Variants in LPXN observed in about 807,000 individuals in gnomAD.
LPXN encodes leupaxin.
In LPXN, 28 loss-of-function variants were observed where a neutral mutation model predicts 45.6. That is an observed-to-expected ratio of 0.61 (90% CI 0.45 to 0.84). The LOEUF (loss-of-function observed/expected upper bound fraction) is 0.84. Ranked by LOEUF, LPXN falls within the 40% of genes least tolerant of loss-of-function variation. The pLI is 0.00. For synonymous variants in LPXN, 166 were observed against 169.9 expected (o/e 0.98, Z 0.18); for missense variants, 459 against 475.0 (o/e 0.97, Z 0.31).
At chr11:58,565,644 T>C (rs1389900068) in intron 2 of LPXN, among the ~76,000 whole-genome samples, 1 of 151,996 alleles carries the variant, frequency 6.6e-6, no homozygotes, top group Non-Finnish European at 1.5e-5. Context: ...TCCTGAAATA[T>C]CTTAAAGTGA....
chr11:58,528,255 G>C, intron 7 of LPXN, 64 bp from the exon 8 acceptor site: 1 of 1,486,308 alleles, frequency 6.7e-7, no homozygotes, highest in Non-Finnish European at 9.2e-7. Context: ...ACTGGAGACT[G>C]AGAGGAGGCC....
intron 3 of LPXN, among the ~76,000 whole-genome samples, chr11:58,560,581 T>C (rs1465743992): frequency 1.3e-5 from 2 of 152,182 alleles, no homozygotes; most frequent in East Asian, 3.8e-4. Context: ...GCAACCATAA[T>C]AGGTAGCATT....
At chr11:58,563,056 G>C (rs1021355533) in intron 3 of LPXN, among the ~76,000 whole-genome samples, 4 of 152,180 alleles carry the variant, frequency 2.6e-5, no homozygotes, top group African/African-American at 9.7e-5. Context: ...TAATCACAGT[G>C]CCAGATATAC....
chr11:58,566,374 G>A (rs1030245872), intron 2 of LPXN, among the ~76,000 whole-genome samples: 12 of 151,992 alleles, frequency 7.9e-5, no homozygotes, highest in Admixed American at 1.3e-4. Context: ...GGCCAATATC[G>A]TCATAGGTGC....
intron 2 of LPXN, among the ~76,000 whole-genome samples, chr11:58,569,476 C>A (rs1228375173): frequency 2.0e-5 from 3 of 151,828 alleles, no homozygotes; most frequent in African/African-American, 7.3e-5. Flanking sequence ...GCAGCCTCGA[C>A]CACCTGGGCT....
At chr11:58,561,952 A>T (rs746727045) in intron 3 of LPXN, among the ~76,000 whole-genome samples, 4 of 152,166 alleles carry the variant, frequency 2.6e-5, no homozygotes, top group Non-Finnish European at 5.9e-5. Flanking sequence ...TTGTTCCCTG[A>T]CCTTTTGAAG....
chr11:58,566,448 G>A (rs1854531397), intron 2 of LPXN, among the ~76,000 whole-genome samples: 1 of 152,144 alleles, frequency 6.6e-6, no homozygotes, highest in African/African-American at 2.4e-5. Context: ...AAACTTTCAA[G>A]TTGTCTATAT....
At chr11:58,547,480 A>G (rs1465826680) in intron 7 of LPXN, among the ~76,000 whole-genome samples, 1 of 152,214 alleles carries the variant, frequency 6.6e-6, no homozygotes, top group Non-Finnish European at 1.5e-5. Flanking sequence ...CATAAAGCCA[A>G]TTTAACAACA....
chr11:58,541,375 C>G (rs530597764), intron 7 of LPXN, among the ~76,000 whole-genome samples: 1 of 152,168 alleles, frequency 6.6e-6, no homozygotes, highest in Admixed American at 6.5e-5. Context: ...AAAAAGTGGG[C>G]AAAGGATATG....
intron 2 of LPXN, among the ~76,000 whole-genome samples, chr11:58,566,973 G>A (rs1054473097): frequency 2.0e-5 from 3 of 151,980 alleles, no homozygotes; most frequent in Non-Finnish European, 4.4e-5. Flanking sequence ...TGTCAGAAAA[G>A]TTTTGTAGAT....
chr11:58,528,387 T>C (rs894205575), intron 7 of LPXN, among the ~76,000 whole-genome samples, 196 bp from the exon 8 acceptor site: 4 of 152,242 alleles, frequency 2.6e-5, no homozygotes, highest in Admixed American at 6.5e-5. Flanking sequence ...GTCTGGTTCA[T>C]AGTAAACATT....
At position 58,531,648 on chromosome 11, in the gene LPXN, A is replaced by G. The variant is rs1853390583; in HGVS notation, c.743-3457T>C. 1.3e-5 allele frequency among the ~76,000 whole-genome samples: 2 copies of G among 152,252 alleles called. 1 individual carries two copies. The highest frequency in any genetic ancestry group is 4.1e-4 in the South Asian group (2 of 4,838). ...AAAAACACTCTTCAGGATATTATCC[A>G]GGAGAACTTCCTCAACCTAGCAAGA... On this transcript the variant is annotated intron_variant, in intron 7 of 8. Coordinates refer to ENST00000395074, the MANE Select transcript of LPXN (RefSeq NM_004811.3).
upstream of LPXN, chr11:58,578,286 G>T: frequency 2.4e-6 from 1 of 423,784 alleles, no homozygotes; most frequent in East Asian, 4.9e-5. Context: ...TCTAGACTGC[G>T]GAAAGTAAAC....
chr11:58,561,053 T>TAA (rs1854359583), intron 3 of LPXN, among the ~76,000 whole-genome samples: 2 of 152,154 alleles, frequency 1.3e-5, no homozygotes, highest in Non-Finnish European at 2.9e-5. Context: ...TGGAATCATG[T>TAA]TTGTAATCAA....
At position 58,530,295 on chromosome 11, in the gene LPXN, C is replaced by T. The variant is rs149274510; in HGVS notation, c.743-2104G>A. Among the ~76,000 whole-genome samples the T allele has an allele frequency of 6.4e-3, 978 of 152,348 alleles. 16 individuals carry two copies. The highest frequency in any genetic ancestry group is 0.022 in the African/African-American group (929 of 41,576). Reference sequence around the variant, plus strand: ...ATGGAGCCCAGCAAGCTAAGATCCACTGGCTTGAAATTCTTACTGCCAGCA... The same window carrying T: ...ATGGAGCCCAGCAAGCTAAGATCCATTGGCTTGAAATTCTTACTGCCAGCA... On this transcript the variant is annotated intron_variant, in intron 7 of 8. Transcript: ENST00000395074.
At chr11:58,563,507 CTTTAA>C (rs1279908874) in intron 3 of LPXN, among the ~76,000 whole-genome samples, 5 of 152,148 alleles carry the variant, frequency 3.3e-5, no homozygotes, top group Admixed American at 6.6e-5. Context: ...ATTTTATGCT[CTTTAA>C]TTTGTTTTCC....
intron 2 of LPXN, among the ~76,000 whole-genome samples, chr11:58,567,740 T>C (rs1170904875): frequency 6.6e-6 from 1 of 152,248 alleles, no homozygotes; most frequent in African/African-American, 2.4e-5. Context: ...GCATGGTACA[T>C]GGTAAATATT....
chr11:58,532,046 C>T (rs994719035), intron 7 of LPXN, among the ~76,000 whole-genome samples: 5 of 152,240 alleles, frequency 3.3e-5, no homozygotes, highest in Admixed American at 3.3e-4. Context: ...CTCAGAGTGG[C>T]CGGCCAGCAC....
chr11:58,573,725 G>A (rs534529758), intron 1 of LPXN, among the ~76,000 whole-genome samples: 17 of 152,256 alleles, frequency 1.1e-4, no homozygotes, highest in African/African-American at 4.1e-4. Context: ...CTGGAGAGTG[G>A]GGGCGGGGGA....
Sources: gnomAD v4.1 joint callset for allele counts (sites outside exome capture counted in the v4.1 genomes callset) on GRCh38, gnomAD v4.1.1 for gene constraint, MANE v1.5 for transcripts, NCBI Gene and HGNC (gene_info 2026-07-23, HGNC 2026-07-21) for gene names.